RBFOX2: variants seen among roughly 807,000 people sequenced by gnomAD.
RBFOX2 encodes the protein RNA binding fox-1 homolog 2.
Under a neutral mutation model 49.1 loss-of-function variants are expected in RBFOX2, and 10 were observed. That is an observed-to-expected ratio of 0.20 (90% CI 0.13 to 0.35). The LOEUF (loss-of-function observed/expected upper bound fraction) is 0.35, where lower values mean the gene tolerates loss of function less well. Ranked by LOEUF, RBFOX2 falls within the 10% of genes least tolerant of loss-of-function variation. The pLI is 1.00. For synonymous variants in RBFOX2, 183 were observed against 187.4 expected (o/e 0.98, Z 0.19); for missense variants, 323 against 486.9 (o/e 0.66, Z 3.17).
At chr22:35,903,179 T>C (rs2048774764) in intron 1 of RBFOX2, among the ~76,000 whole-genome samples, 1 of 152,176 alleles carries the variant, frequency 6.6e-6, no homozygotes, top group East Asian at 1.9e-4. Context: ...TCTCAATTTC[T>C]TCACTTCTCA....
At chr22:35,846,087 T>C (rs1369013303) in intron 1 of RBFOX2, among the ~76,000 whole-genome samples, 1 of 150,366 alleles carries the variant, frequency 6.7e-6, no homozygotes, top group Non-Finnish European at 1.5e-5. Flanking sequence ...TATATAAGTA[T>C]AAACTTGCAT....
chr22:35,962,842 T>A (rs1344772562), upstream of RBFOX2, among the ~76,000 whole-genome samples: 2 of 152,044 alleles, frequency 1.3e-5, no homozygotes, highest in African/African-American at 4.8e-5. Context: ...CTCAGAGCCA[T>A]ATTTGATAGC....
chr22:35,744,067 C>CT, exon 12 of RBFOX2: 4 of 722,036 alleles, frequency 5.5e-6, no homozygotes, highest in Non-Finnish European at 8.0e-6. Flanking sequence ...AGTATTCTTT[C>CT]TTTTTTTGTG....
chr22:35,863,321 T>C (rs2043307815), intron 1 of RBFOX2, among the ~76,000 whole-genome samples: 1 of 152,016 alleles, frequency 6.6e-6, no homozygotes, highest in Non-Finnish European at 1.5e-5. Context: ...TATCAATAAA[T>C]AAAGGAGGAG....
intron 2 of RBFOX2, among the ~76,000 whole-genome samples, chr22:35,791,772 C>T (rs1208437948): frequency 6.6e-6 from 1 of 152,146 alleles, no homozygotes; most frequent in Non-Finnish European, 1.5e-5. Flanking sequence ...TCAATCACTC[C>T]TGGTTGGGCT....
intron 1 of RBFOX2, among the ~76,000 whole-genome samples, chr22:35,982,378 C>A (rs191404551): frequency 1.2e-3 from 185 of 152,186 alleles, no homozygotes; most frequent in African/African-American, 4.1e-3. Flanking sequence ...CTCCTCCCCC[C>A]ATCTCCCCAT....
At chr22:35,863,008 A>T (rs2043271237) in intron 1 of RBFOX2, among the ~76,000 whole-genome samples, 1 of 152,186 alleles carries the variant, frequency 6.6e-6, no homozygotes, top group South Asian at 2.1e-4. Context: ...CTAAATCTAT[A>T]TCTGAGGAAT....
intron 1 of RBFOX2, among the ~76,000 whole-genome samples, chr22:36,003,127 C>T (rs1262598237): frequency 6.6e-6 from 1 of 152,220 alleles, no homozygotes; most frequent in African/African-American, 2.4e-5. Context: ...CTGGTAACCC[C>T]TTCTCTGTTC....
rs190753421 is a variant in RBFOX2, at chr22:36,019,096, G to A, written c.186+9144C>T. On this transcript the variant is annotated intron_variant, in intron 1 of 13. Transcript: ENST00000438146. Reference sequence around the variant, plus strand: ...ACAAAACTTATAAAATTTGAAACACGACATTTTTACTGTTCCTGCCTTCCA... The same window carrying A: ...ACAAAACTTATAAAATTTGAAACACAACATTTTTACTGTTCCTGCCTTCCA... Among the ~76,000 whole-genome samples, 555 of 152,208 alleles carry A rather than the reference G, an allele frequency of 3.6e-3. 8 individuals carry two copies. The highest frequency in any genetic ancestry group is 0.013 in the African/African-American group (532 of 41,532).
intron 1 of RBFOX2, chr22:35,998,745 AG>A (rs1167471609): frequency 6.6e-6 from 1 of 152,376 alleles, no homozygotes; most frequent in East Asian, 1.9e-4. Flanking sequence ...AAATGCACAA[AG>A]TGAGAAAGCA....
In RBFOX2 at chr22:35,959,020, A is replaced by G. The variant is rs565865489; in HGVS notation, c.42+2543T>C. Among the ~76,000 whole-genome samples the G allele has an allele frequency of 4.6e-5, 7 of 152,224 alleles. No individual in the cohort carries two copies. The South Asian group carries it at 1.5e-3, about 32-fold the overall frequency. ...CTGCAAGTACAATTAAATACTCAAG[A>G]TAGCTGGGAGAAGGGCAAGAAGAGC... On this transcript the variant is annotated intron_variant, in intron 1 of 5. Transcript: ENST00000408983.
chr22:35,963,059 C>CAA (rs34027896), upstream of RBFOX2, among the ~76,000 whole-genome samples: 316 of 33,526 alleles, frequency 9.4e-3, 44 homozygotes, highest in African/African-American at 0.031. Context: ...AACTCTCCAG[C>CAA]AAAAAAAAAA....
At position 35,819,929 on chromosome 22, in the gene RBFOX2, C is replaced by T. The variant is rs545267051; in HGVS notation, c.28-9925G>A. Among the ~76,000 whole-genome samples the T allele has an allele frequency of 9.9e-5, 15 of 152,230 alleles. No individual in the cohort carries two copies. In the South Asian group the frequency reaches 2.5e-3, roughly 25 times the overall value. On this transcript the variant is annotated intron_variant, in intron 1 of 11. Transcript: ENST00000405409. Reference sequence around the variant, plus strand: ...TTAGAAACTAAGGCAACAAGCTATACGTGTATCTGGATGGAAGAAGACTCC... The same window carrying T: ...TTAGAAACTAAGGCAACAAGCTATATGTGTATCTGGATGGAAGAAGACTCC...
chr22:35,781,873 CA>C, intron 2 of RBFOX2, 127 bp from the exon 4 acceptor site: 2 of 1,034,534 alleles, frequency 1.9e-6, no homozygotes, highest in South Asian at 2.9e-5. Flanking sequence ...CCTTCAAAGA[CA>C]AAAGCAACAA....
chr22:35,910,352 G>A (rs1340735238), intron 1 of RBFOX2, among the ~76,000 whole-genome samples: 1 of 152,142 alleles, frequency 6.6e-6, no homozygotes, highest in Non-Finnish European at 1.5e-5. Context: ...CTTCTAACAG[G>A]ATACTTAAAT....
chr22:35,808,860 A>C (rs1246008029), intron 2 of RBFOX2, among the ~76,000 whole-genome samples: 2 of 152,090 alleles, frequency 1.3e-5, no homozygotes, highest in East Asian at 3.9e-4. Flanking sequence ...ACAATTTCCC[A>C]TATGTTGGTA....
intron 9 of RBFOX2, chr22:35,746,940 A>C (rs563521091): frequency 6.1e-6 from 1 of 165,254 alleles, no homozygotes; most frequent in African/African-American, 2.4e-5. Context: ...AGAAATATAA[A>C]TTATAAAGTT....
intron 4 of RBFOX2, among the ~76,000 whole-genome samples, chr22:35,770,446 G>C (rs5755943): frequency 0.18 from 26,645 of 152,024 alleles, 2,988 homozygotes; most frequent in African/African-American, 0.32. Flanking sequence ...ATACATACTA[G>C]TTTTTCTTCT....
rs555242083 is a variant in RBFOX2, at chr22:35,833,628, T to C, written c.27+6564A>G. ...AAGTGATACATAATATGAATAATTATGTTTGTAAATGTGCTATGTATGTAA... is the reference window on the plus strand; with the variant it reads ...AAGTGATACATAATATGAATAATTACGTTTGTAAATGTGCTATGTATGTAA... On this transcript the variant is annotated intron_variant, in intron 1 of 11. Coordinates refer to ENST00000405409, the Ensembl canonical transcript of RBFOX2. Among the ~76,000 whole-genome samples, 13 of 152,326 alleles carry C rather than the reference T, an allele frequency of 8.5e-5. No homozygotes were observed. In the South Asian group the frequency reaches 2.5e-3, roughly 29 times the overall value.
Sources: allele counts gnomAD v4.1 joint callset (sites outside exome capture counted in the v4.1 genomes callset), GRCh38; gene constraint gnomAD v4.1.1; transcripts MANE v1.5; gene names NCBI Gene and HGNC (gene_info 2026-07-23, HGNC 2026-07-21).